The following SPMIP9 variants were observed in gnomAD, a reference collection of about 807,000 sequenced individuals.
The protein encoded by SPMIP9 is protein SPMIP9.
the SPMIP9 span, chr2:88,525,645 A>G: frequency 6.2e-7 from 1 of 1,614,170 alleles, no homozygotes; most frequent in Non-Finnish European, 8.5e-7. Flanking sequence ...GTCGTTTGCC[A>G]TGGCAGGTGT....
At chr2:88,529,303 C>T in the SPMIP9 span, 2 of 1,614,200 alleles carry the variant, frequency 1.2e-6, no homozygotes, top group Non-Finnish European at 1.7e-6. Context: ...GTGACCCCAA[C>T]CAGGTCCTCC....
chr2:88,525,512 G>T, the SPMIP9 span: 1 of 979,332 alleles, frequency 1.0e-6, no homozygotes. Context: ...AGGAGCCCAG[G>T]GAAGATGGGG....
At chr2:88,525,922 TG>T in the SPMIP9 span, among the ~76,000 whole-genome samples, 3 of 152,062 alleles carry the variant, frequency 2.0e-5, no homozygotes, top group East Asian at 5.8e-4. Context: ...GGCCCTGTCC[TG>T]GGCTTTGGGA....
the SPMIP9 span, among the ~76,000 whole-genome samples, chr2:88,528,017 C>T: frequency 6.6e-6 from 1 of 151,878 alleles, no homozygotes; most frequent in African/African-American, 2.4e-5. Flanking sequence ...TTTCATTTGT[C>T]GATGGAGATT....
the SPMIP9 span, chr2:88,525,544 G>A: frequency 8.7e-6 from 12 of 1,385,466 alleles, no homozygotes; most frequent in Middle Eastern, 9.0e-4. Context: ...AAGAAAGCTG[G>A]GGCAGCCATG....
At chr2:88,525,726 G>A in the SPMIP9 span, 1 of 1,597,298 alleles carries the variant, frequency 6.3e-7, no homozygotes, top group Non-Finnish European at 8.6e-7. Flanking sequence ...GGTAGCCTCA[G>A]CAAGGCCCTG....
the SPMIP9 span, chr2:88,524,795 G>GA: frequency 1.0e-4 from 16 of 152,508 alleles, no homozygotes; most frequent in Admixed American, 7.8e-4. Flanking sequence ...GAGCAAAAGG[G>GA]AGGGGATACA....
At chr2:88,525,794 T>TG in the SPMIP9 span, 14 of 968,392 alleles carry the variant, frequency 1.4e-5, no homozygotes, top group East Asian at 5.0e-5. Flanking sequence ...TTGGGTTTTG[T>TG]GGGTTTTTTT....
At chr2:88,526,608 C>T in the SPMIP9 span, 1 of 792,208 alleles carries the variant, frequency 1.3e-6, no homozygotes, top group Non-Finnish European at 2.2e-6. Context: ...GAACAATATC[C>T]AATGCCAGGA....
the SPMIP9 span, chr2:88,526,462 A>T: frequency 1.2e-6 from 2 of 1,614,152 alleles, no homozygotes; most frequent in East Asian, 4.5e-5. Flanking sequence ...TCAGCCCTAC[A>T]GGAAGCACAA....
chr2:88,525,438 C>T, the SPMIP9 span, among the ~76,000 whole-genome samples: 1 of 152,200 alleles, frequency 6.6e-6, no homozygotes, highest in Non-Finnish European at 1.5e-5. Context: ...CCTGCTCCAG[C>T]CCCTTTGTCC....
At chr2:88,526,483 G>A in the SPMIP9 span, 1 of 1,613,970 alleles carries the variant, frequency 6.2e-7, no homozygotes, top group Non-Finnish European at 8.5e-7. Flanking sequence ...ATACTCCAGG[G>A]TCACGCCGCA....
At chr2:88,529,479 G>A in the SPMIP9 span, 1 of 1,607,218 alleles carries the variant, frequency 6.2e-7, no homozygotes, top group Non-Finnish European at 8.5e-7. Flanking sequence ...CAGTAGGAAG[G>A]ATGAAAATAC....
the SPMIP9 span, chr2:88,525,624 T>G: frequency 6.2e-7 from 1 of 1,614,114 alleles, no homozygotes; most frequent in South Asian, 1.1e-5. Context: ...AAACAACTTG[T>G]CTGTGTCTAG....
At chr2:88,525,273 T>C in the SPMIP9 span, among the ~76,000 whole-genome samples, 1 of 152,208 alleles carries the variant, frequency 6.6e-6, no homozygotes, top group Non-Finnish European at 1.5e-5. Context: ...CCACAGAAAT[T>C]GGCAGATGCT....
chr2:88,528,123 T>C, the SPMIP9 span, among the ~76,000 whole-genome samples: 4 of 151,538 alleles, frequency 2.6e-5, no homozygotes, highest in African/African-American at 9.7e-5. Flanking sequence ...CTAAAAAATA[T>C]TCTAAGCATT....
the SPMIP9 span, among the ~76,000 whole-genome samples, chr2:88,527,314 C>A: frequency 6.6e-6 from 1 of 151,982 alleles, no homozygotes; most frequent in African/African-American, 2.4e-5. Context: ...GCTGACATGG[C>A]GAAATCCCGT....
At chr2:88,526,647 T>C in the SPMIP9 span, 12 of 649,314 alleles carry the variant, frequency 1.8e-5, no homozygotes, top group Admixed American at 1.6e-4. Flanking sequence ...TTTCTGTGCA[T>C]GTGCATGTAT....
the SPMIP9 span, among the ~76,000 whole-genome samples, chr2:88,527,345 T>G: frequency 3.9e-5 from 6 of 152,064 alleles, no homozygotes; most frequent in African/African-American, 1.2e-4. Flanking sequence ...AATACAAAAA[T>G]TAGCCTGGCT....
Sources: gnomAD v4.1 joint callset for allele counts (sites outside exome capture counted in the v4.1 genomes callset) on GRCh38, gnomAD v4.1.1 for gene constraint, MANE v1.5 for transcripts, NCBI Gene and HGNC (gene_info 2026-07-23, HGNC 2026-07-21) for gene names.